MGARP: variants seen among roughly 807,000 people sequenced by gnomAD.
MGARP encodes protein MGARP.
In MGARP, 12 loss-of-function variants were observed where a neutral mutation model predicts 11.0. The observed-to-expected ratio is 1.09, with a 90% confidence interval of 0.70 to 1.77. The LOEUF is 1.77. Among genes scored for constraint, MGARP ranks in the 40% most tolerant of loss-of-function variants. The pLI is 0.00. For missense variants in MGARP, 283 were observed against 297.8 expected (o/e 0.95, Z 0.36); for synonymous variants, 110 against 115.4 (o/e 0.95, Z 0.30).
Position 139,267,020 on chromosome 4 carries a change from T to G in MGARP, c.302A>C (p.Glu101Ala). 1 of 1,613,660 alleles carries G rather than the reference T, an allele frequency of 6.2e-7. No homozygotes were observed. Among genetic ancestry groups the G allele is most frequent in the Non-Finnish European group, 8.5e-7 (1 of 1,179,738 alleles). The change falls in exon 4 of 4, where the codon GAA becomes GCA. Residue 101 changes from glutamate (E) to alanine (A), a missense_variant. Physicochemically the swap from Glu to Ala is moderately radical, Grantham distance 107. Coordinates refer to ENST00000398955, the MANE Select transcript of MGARP (RefSeq NM_032623.4). Reference sequence around the variant, plus strand: ...GGCTTCTGAACTTGCTTTCTCAGTTTCCGCAACATTCTCCTTTTCACCTTT... The same window carrying G: ...GGCTTCTGAACTTGCTTTCTCAGTTGCCGCAACATTCTCCTTTTCACCTTT... ...PFQGEKENVA[E>A]TEKASSEAPE...
intron 1 of MGARP, among the ~76,000 whole-genome samples, chr4:139,278,939 C>T (rs1022964188): frequency 6.6e-6 from 1 of 152,264 alleles, no homozygotes; most frequent in Admixed American, 6.5e-5. Flanking sequence ...CCTCCCACCA[C>T]CACCAACAGA....
At chr4:139,279,529 C>A (rs1051097617) in intron 1 of MGARP, among the ~76,000 whole-genome samples, 5 of 152,064 alleles carry the variant, frequency 3.3e-5, no homozygotes, top group African/African-American at 1.2e-4. Context: ...TGAGACCCTG[C>A]CAAGGGTTAG....
intron 3 of MGARP, among the ~76,000 whole-genome samples, chr4:139,267,910 T>C (rs1472239407): frequency 6.6e-6 from 1 of 152,116 alleles, no homozygotes; most frequent in Non-Finnish European, 1.5e-5. Flanking sequence ...GGCCAGGAGA[T>C]CAAGACCAGC....
In MGARP at chr4:139,266,357, C is replaced by G; in HGVS notation, c.*242G>C. 2.6e-6 allele frequency: 1 copy of G among 380,040 alleles called. No individual in the cohort carries two copies. Among genetic ancestry groups the G allele is most frequent in the East Asian group, 4.3e-5 (1 of 23,390 alleles). 23.5% of individuals were successfully genotyped at this position (380,040 alleles called of 1,614,324 possible). On this transcript the variant is annotated 3_prime_UTR_variant, in exon 4 of 4. Transcript: ENST00000398955. ...CTAGAAAAAAAAACCAAAGATGAAA[C>G]TATTTAAGCTCTTTACTGCAATGTC...
chr4:139,276,767 T>C (rs1744881159), intron 1 of MGARP, among the ~76,000 whole-genome samples: 1 of 152,102 alleles, frequency 6.6e-6, no homozygotes, highest in South Asian at 2.1e-4. Flanking sequence ...GGAGGATCAC[T>C]TGAGTCCTGC....
chr4:139,270,620 A>G (rs1369432580), intron 2 of MGARP, among the ~76,000 whole-genome samples: 1 of 151,686 alleles, frequency 6.6e-6, no homozygotes, highest in East Asian at 1.9e-4. Flanking sequence ...AAAAAAAAAA[A>G]AAAAAAAGAA....
In MGARP at chr4:139,266,864, C is replaced by G. The variant is rs1744706355; in HGVS notation, c.458G>C (p.Ser153Thr). Reference sequence around the variant, plus strand: ...TGTGACCTCTGGCCCGGTTTCAGCACTGACTGCTGTGGTCTCCGGAGCAGC... The same window carrying G: ...TGTGACCTCTGGCCCGGTTTCAGCAGTGACTGCTGTGGTCTCCGGAGCAGC... ...VEAAPETTAV[S>T]AETGPEVTDA... The change falls in exon 4 of 4, where the codon AGT becomes ACT. Residue 153 changes from serine to threonine, a missense_variant. Transcript: ENST00000398955. The G allele has an allele frequency of 2.5e-6, 4 of 1,614,222 alleles. No individual in the cohort carries two copies. In the African/African-American group the frequency reaches 5.3e-5, roughly 22 times the overall value.
intron 2 of MGARP, among the ~76,000 whole-genome samples, chr4:139,273,202 T>C (rs910384596): frequency 2.6e-5 from 4 of 152,136 alleles, no homozygotes; most frequent in Admixed American, 2.6e-4. Context: ...CTACAGGCTC[T>C]ACTTTTATTC....
rs1313840648 is a variant in MGARP, at chr4:139,270,478, G to A, written c.187-1713C>T. ...CAAAAAATTAGCCAGGAGTGGTGGC[G>A]GGCGCCTGTAGTCCCAACTACTCGG... On this transcript the variant is annotated intron_variant, in intron 2 of 3. Transcript: ENST00000398955. Among the ~76,000 whole-genome samples, 5 of 151,138 alleles carry A rather than the reference G, an allele frequency of 3.3e-5. No homozygotes were observed. The East Asian group carries it at 7.8e-4, about 24-fold the overall frequency.
chr4:139,272,561 C>CAAAAAA (rs35412789), intron 2 of MGARP, among the ~76,000 whole-genome samples: 1,716 of 108,530 alleles, frequency 0.016, 15 homozygotes, highest in South Asian at 0.036. Context: ...TGTCCCCTCC[C>CAAAAAA]AAAAAAAAAA....
intron 1 of MGARP, among the ~76,000 whole-genome samples, chr4:139,278,015 G>C (rs999178791): frequency 1.3e-5 from 2 of 152,112 alleles, no homozygotes; most frequent in Non-Finnish European, 2.9e-5. Flanking sequence ...ATCACCTTAG[G>C]TTGGGAGTTC....
rs752494954 is a variant in MGARP, at chr4:139,266,555, G to C, written c.*44C>G. The C allele has an allele frequency of 1.3e-6, 2 of 1,532,788 alleles. No individual in the cohort carries two copies. Among genetic ancestry groups the C allele is most frequent in the South Asian group, 2.4e-5 (2 of 84,868 alleles). 94.9% of individuals were successfully genotyped at this position (1,532,788 alleles called of 1,614,324 possible). ...ACTAAAAACACAAAAGCACTTATCA[G>C]ACACCCTATGGCATTTGTTGCTGAA... is the stretch of plus-strand genomic sequence containing the variant. On this transcript the variant is annotated 3_prime_UTR_variant, in exon 4 of 4. Transcript: ENST00000398955.
chr4:139,275,265 C>G, intron 2 of MGARP, 24 bp downstream of exon 2: 1 of 1,571,906 alleles, frequency 6.4e-7, no homozygotes, highest in East Asian at 2.2e-5. Flanking sequence ...AATTCTTGAG[C>G]ACTGTGGTTA....
intron 2 of MGARP, among the ~76,000 whole-genome samples, chr4:139,274,637 C>T (rs189881964): frequency 6.6e-5 from 10 of 152,232 alleles, no homozygotes; most frequent in Admixed American, 6.5e-4. Context: ...GCACACACCA[C>T]CATGCTGGCT....
chr4:139,272,084 C>T (rs1744791689), intron 2 of MGARP, among the ~76,000 whole-genome samples: 1 of 151,412 alleles, frequency 6.6e-6, no homozygotes, highest in South Asian at 2.1e-4. Context: ...GCCTACACCT[C>T]AACTAGAGTG....
In MGARP at chr4:139,280,103, G is replaced by T; in HGVS notation, c.56C>A (p.Pro19His). The T allele has an allele frequency of 6.2e-7, 1 of 1,612,124 alleles. No homozygotes were observed. The highest frequency in any genetic ancestry group is 2.2e-5 in the East Asian group (1 of 44,830). The change falls in exon 1 of 4, where the codon CCC (proline) becomes CAC (histidine). Residue 19 changes from proline (P) to histidine (H), a missense_variant. Pro to His is a moderately conservative substitution (Grantham distance 77). Transcript: ENST00000398955. ...KTLALPLRAP[P>H]NPAPLGKDAS... Reference sequence around the variant, plus strand: ...GTCCTTTCCGAGCGGCGCGGGGTTGGGGGGCGCCCTCAGCGGCAGCGCCAG... The same window carrying T: ...GTCCTTTCCGAGCGGCGCGGGGTTGTGGGGCGCCCTCAGCGGCAGCGCCAG...
In MGARP at chr4:139,266,863, A is replaced by G. The variant is rs1382396079; in HGVS notation, c.459T>C (p.Ser153=). ...VEAAPETTAV[S]AETGPEVTDA... ...CTGTGACCTCTGGCCCGGTTTCAGC[A>G]CTGACTGCTGTGGTCTCCGGAGCAG... The change falls in exon 4 of 4, where the codon AGT becomes AGC. Residue 153 remains serine, a synonymous_variant. Coordinates refer to ENST00000398955, the MANE Select transcript of MGARP (RefSeq NM_032623.4). 6.2e-7 allele frequency: 1 copy of G among 1,614,174 alleles called. No homozygotes were observed.
At chr4:139,268,617 G>T in intron 3 of MGARP, 55 bp downstream of exon 3, 1 of 1,257,210 alleles carries the variant, frequency 8.0e-7, no homozygotes, top group Non-Finnish European at 1.1e-6. Context: ...CTAAGTGGAT[G>T]GAAATTAGTG....
chr4:139,280,214 CA>C lies in MGARP; in HGVS notation c.-57del. 1 of 1,531,732 alleles carries C rather than the reference CA, an allele frequency of 6.5e-7. No homozygotes were observed. The highest frequency in any genetic ancestry group is 1.2e-5 in the South Asian group (1 of 84,074). The allele number at this position is 1,531,732 out of a possible 1,614,324, so 94.9% of individuals were successfully genotyped here. On this transcript the variant is annotated 5_prime_UTR_variant, in exon 1 of 4. Transcript: ENST00000398955. ...GGTACCCAGGCGCAGGCTGCCCTTC[CA>C]CAGAGAGGCTGAGAGCCTGGCAGCG...
Sources: gnomAD v4.1 joint callset for allele counts (sites outside exome capture counted in the v4.1 genomes callset) on GRCh38, gnomAD v4.1.1 for gene constraint, MANE v1.5 for transcripts, NCBI Gene and HGNC (gene_info 2026-07-23, HGNC 2026-07-21) for gene names.